Variants in KLHL32 observed in about 807,000 individuals in gnomAD.
The protein encoded by KLHL32 is kelch-like protein 32.
A neutral mutation model predicts 64.8 loss-of-function variants in KLHL32; 35 were observed. That is an observed-to-expected ratio of 0.54 (90% CI 0.41 to 0.72). The LOEUF (loss-of-function observed/expected upper bound fraction) is 0.72. Ranked by LOEUF, KLHL32 falls within the 30% of genes least tolerant of loss-of-function variation. KLHL32 has a pLI of 0.00. For synonymous variants in KLHL32, 259 were observed against 281.0 expected, an observed-to-expected ratio of 0.92 and a Z score of 0.78; for missense variants, 589 against 768.5, an observed-to-expected ratio of 0.77 and a Z score of 2.76.
At chr6:97,123,056 A>C (rs1798523996) in intron 7 of KLHL32, among the ~76,000 whole-genome samples, 1 of 152,212 alleles carries the variant, frequency 6.6e-6, no homozygotes, top group South Asian at 2.1e-4. Flanking sequence ...TTAGCACTGC[A>C]TTACGACCCA....
intron 3 of KLHL32, chr6:97,024,921 A>G (rs1782510699): frequency 4.6e-6 from 4 of 860,810 alleles, no homozygotes; most frequent in South Asian, 5.3e-5. Flanking sequence ...TATCTTTTCT[A>G]TGCTTTTAAG....
chr6:97,113,686 C>T (rs571774924), intron 6 of KLHL32, 97 bp from the exon 7 acceptor site: 1 of 1,417,526 alleles, frequency 7.1e-7, no homozygotes, highest in South Asian at 1.4e-5. Context: ...GTATTATTAC[C>T]TGCCTGGAAG....
At chr6:96,909,497 GT>G in the KLHL32 span, among the ~76,000 whole-genome samples, 1 of 152,160 alleles carries the variant, frequency 6.6e-6, no homozygotes, top group Admixed American at 6.5e-5. Context: ...CTGCTACTCT[GT>G]TCGCACTGTT....
At chr6:97,115,329 G>T (rs1050699510) in intron 7 of KLHL32, among the ~76,000 whole-genome samples, 3 of 152,054 alleles carry the variant, frequency 2.0e-5, no homozygotes, top group African/African-American at 4.8e-5. Flanking sequence ...AACAAAGTTT[G>T]TTTGTTTTTA....
the KLHL32 span, among the ~76,000 whole-genome samples, chr6:96,898,432 CCT>C: frequency 1.2e-4 from 19 of 152,116 alleles, no homozygotes; most frequent in Non-Finnish European, 2.1e-4. Flanking sequence ...CATTTAAATG[CCT>C]CTTATTTTCC....
intron 10 of KLHL32, among the ~76,000 whole-genome samples, chr6:97,134,880 A>G (rs1799826565): frequency 6.6e-6 from 1 of 152,228 alleles, no homozygotes. Context: ...TCGTAGTCGC[A>G]TCATTTGTTT....
intron 1 of KLHL32, among the ~76,000 whole-genome samples, chr6:96,937,960 G>A (rs931887785): frequency 6.6e-6 from 1 of 152,144 alleles, no homozygotes; most frequent in African/African-American, 2.4e-5. Flanking sequence ...AATGTGAACC[G>A]TGTCTCCTTC....
intron 6 of KLHL32, among the ~76,000 whole-genome samples, chr6:97,091,893 A>G (rs1407462528): frequency 6.6e-6 from 1 of 152,180 alleles, no homozygotes; most frequent in African/African-American, 2.4e-5. Flanking sequence ...TGGTAACTAG[A>G]AATAGAATAA....
At chr6:97,097,041 C>T (rs1399572555) in intron 6 of KLHL32, among the ~76,000 whole-genome samples, 1 of 152,186 alleles carries the variant, frequency 6.6e-6, no homozygotes, top group East Asian at 1.9e-4. Context: ...GCTGATAACC[C>T]TACCTGTGTT....
chr6:97,111,459 A>C (rs535279681), intron 6 of KLHL32, among the ~76,000 whole-genome samples: 23 of 152,226 alleles, frequency 1.5e-4, no homozygotes, highest in African/African-American at 5.1e-4. Flanking sequence ...AACTTCACTC[A>C]CTCGAACCCG....
intron 1 of KLHL32, among the ~76,000 whole-genome samples, chr6:96,955,050 CGA>C (rs1228934857): frequency 1.3e-5 from 2 of 152,166 alleles, no homozygotes; most frequent in African/African-American, 2.4e-5. Context: ...TGTGGAGAAA[CGA>C]GAGAGGAAGC....
At chr6:97,030,439 AG>A (rs1329316595) in intron 3 of KLHL32, among the ~76,000 whole-genome samples, 2 of 152,224 alleles carry the variant, frequency 1.3e-5, no homozygotes, top group Non-Finnish European at 2.9e-5. Flanking sequence ...CCTCTGTGGT[AG>A]GCACTTAAAG....
At chr6:97,094,869 A>T (rs149044610) in intron 6 of KLHL32, among the ~76,000 whole-genome samples, 1 of 152,182 alleles carries the variant, frequency 6.6e-6, no homozygotes, top group Non-Finnish European at 1.5e-5. Context: ...GTTCTTGTTG[A>T]TGAGGAATGC....
intron 1 of KLHL32, among the ~76,000 whole-genome samples, chr6:96,951,852 G>T (rs1479044732): frequency 6.6e-6 from 1 of 151,996 alleles, no homozygotes; most frequent in Non-Finnish European, 1.5e-5. Flanking sequence ...AATTATTTTA[G>T]CTGTTTCTTT....
At chr6:97,001,794 A>G (rs1562231723) in intron 3 of KLHL32, among the ~76,000 whole-genome samples, 1 of 152,196 alleles carries the variant, frequency 6.6e-6, no homozygotes, top group Non-Finnish European at 1.5e-5. Context: ...ATGAAAGCAG[A>G]TATTTTTAGA....
intron 4 of KLHL32, among the ~76,000 whole-genome samples, chr6:97,048,143 C>A (rs1786223202): frequency 6.6e-6 from 1 of 152,156 alleles, no homozygotes; most frequent in East Asian, 1.9e-4. Flanking sequence ...TTCCAGAAAC[C>A]CAGTGGAGAG....
intron 3 of KLHL32, among the ~76,000 whole-genome samples, chr6:96,985,410 T>C (rs1485157900): frequency 6.6e-6 from 1 of 152,222 alleles, no homozygotes; most frequent in Non-Finnish European, 1.5e-5. Flanking sequence ...TGAATGTGAA[T>C]GTTGGCCTGC....
At chr6:97,101,579 A>G (rs968716938) in intron 6 of KLHL32, among the ~76,000 whole-genome samples, 1 of 152,196 alleles carries the variant, frequency 6.6e-6, no homozygotes, top group African/African-American at 2.4e-5. Context: ...ATTGTACAAA[A>G]ACAACTGGGT....
intron 2 of KLHL32, among the ~76,000 whole-genome samples, chr6:96,971,413 A>G (rs1161370679): frequency 6.6e-6 from 1 of 152,220 alleles, no homozygotes; most frequent in Non-Finnish European, 1.5e-5. Flanking sequence ...TGAGTAGGGA[A>G]TATGATATAA....
Sources: allele counts gnomAD v4.1 joint callset (sites outside exome capture counted in the v4.1 genomes callset), GRCh38; gene constraint gnomAD v4.1.1; transcripts MANE v1.5; gene names NCBI Gene and HGNC (gene_info 2026-07-23, HGNC 2026-07-21).